METTL4: variants seen among roughly 807,000 people sequenced by gnomAD.
METTL4 encodes the protein methyltransferase 4, N6-adenosine.
A neutral mutation model predicts 54.0 loss-of-function variants in METTL4; 40 were observed. That is an observed-to-expected ratio of 0.74 (90% CI 0.58 to 0.96). METTL4 has a LOEUF of 0.96. Among genes scored for constraint, METTL4 ranks in the 50% least tolerant of loss-of-function variants. The pLI is 0.00. For synonymous variants in METTL4, 169 were observed against 183.8 expected, an observed-to-expected ratio of 0.92 and a Z score of 0.65; for missense variants, 525 against 549.0, an observed-to-expected ratio of 0.96 and a Z score of 0.44.
At chr18:2,551,460 T>C (rs561514652) in intron 5 of METTL4, among the ~76,000 whole-genome samples, 33 of 152,012 alleles carry the variant, frequency 2.2e-4, no homozygotes, top group Non-Finnish European at 3.8e-4. Flanking sequence ...CTCAGCACTA[T>C]GGAGGCTGAG....
intron 6 of METTL4, 61 bp from the exon 7 acceptor site, chr18:2,544,820 C>T (rs900656361): frequency 9.6e-7 from 1 of 1,040,138 alleles, no homozygotes. Context: ...AGCTTCCACA[C>T]ACACACAAAA....
chr18:2,559,185 T>C (rs966187925), intron 3 of METTL4, among the ~76,000 whole-genome samples: 1 of 152,180 alleles, frequency 6.6e-6, no homozygotes, highest in African/African-American at 2.4e-5. Context: ...AGAAGCATTA[T>C]TCACAACAGC....
At chr18:2,547,672 T>C in intron 5 of METTL4, 143 bp from the exon 6 acceptor site, 1 of 549,316 alleles carries the variant, frequency 1.8e-6, no homozygotes, top group Non-Finnish European at 3.0e-6. Flanking sequence ...AAAGCCACAG[T>C]GACACCCAGT....
chr18:2,551,119 G>A (rs1178342120), intron 5 of METTL4, among the ~76,000 whole-genome samples: 1 of 138,578 alleles, frequency 7.2e-6, no homozygotes, highest in Non-Finnish European at 1.5e-5. Context: ...AGCCGAGATC[G>A]CGCCACTGCA....
chr18:2,565,487 T>C (rs1471078475), intron 2 of METTL4, among the ~76,000 whole-genome samples: 6 of 152,106 alleles, frequency 3.9e-5, no homozygotes, highest in African/African-American at 1.4e-4. Context: ...CCTATACATG[T>C]ACCTGTGAAC....
Position 2,567,184 on chromosome 18 carries a change from C to G in METTL4, c.33G>C (p.Trp11Cys), listed in dbSNP as rs750140583. Residue 11 changes from tryptophan to cysteine, a missense_variant, in exon 2 of 9, where the codon TGG becomes TGC. Physicochemically the swap from Trp to Cys is radical, Grantham distance 215. Coordinates refer to ENST00000574538, the MANE Select transcript of METTL4 (RefSeq NM_022840.5). ...TGATAAAAGAAAGATGATCCAGTAA[C>G]CACCCAGCTGACAACTGGTGTACCA... The part of the protein sequence containing the change: MSVVHQLSAG[W>C]LLDHLSFINK... 24 of 1,611,992 alleles carry G rather than the reference C, an allele frequency of 1.5e-5. No individual in the cohort carries two copies. The South Asian group carries it at 2.6e-4, about 18-fold the overall frequency.
chr18:2,570,115 G>C (rs1221660413), intron 1 of METTL4, among the ~76,000 whole-genome samples: 1 of 152,164 alleles, frequency 6.6e-6, no homozygotes, highest in Non-Finnish European at 1.5e-5. Context: ...AATTGTGCTT[G>C]CTCTTAAAAA....
intron 2 of METTL4, among the ~76,000 whole-genome samples, chr18:2,566,423 C>T (rs2072419368): frequency 6.6e-6 from 1 of 152,148 alleles, no homozygotes; most frequent in Non-Finnish European, 1.5e-5. Flanking sequence ...CCACTTACTG[C>T]TTAGAAATTT....
In METTL4 at chr18:2,563,929, T is replaced by G. The variant is rs186926241; in HGVS notation, c.397-70A>C. On this transcript the variant is annotated intron_variant, in intron 2 of 8. Transcript: ENST00000574538. ...ATATTTTGCTTTTTCATTATAACAT[T>G]ATTTATGTCTTATATCTGTCTAATA... is the stretch of plus-strand genomic sequence containing the variant. 1.7e-5 allele frequency: 16 copies of G among 948,016 alleles called. No individual in the cohort carries two copies. In the African/African-American group the frequency reaches 2.5e-4, roughly 15 times the overall value. The allele number at this position is 948,016 out of a possible 1,614,324, so 58.7% of individuals were successfully genotyped here.
intron 6 of METTL4, among the ~76,000 whole-genome samples, chr18:2,544,996 A>T (rs2072050936): frequency 6.6e-6 from 1 of 152,048 alleles, no homozygotes. Flanking sequence ...AAATACTGTC[A>T]TTTCAATATG....
chr18:2,546,927 T>C (rs2072077929), intron 6 of METTL4, among the ~76,000 whole-genome samples: 1 of 152,164 alleles, frequency 6.6e-6, no homozygotes, highest in African/African-American at 2.4e-5. Context: ...TACTTTGCTA[T>C]TCCTTGCCCT....
At chr18:2,567,733 A>G (rs1038976669) in intron 1 of METTL4, 79 bp from the exon 2 acceptor site, 6 of 152,322 alleles carry the variant, frequency 3.9e-5, no homozygotes, top group African/African-American at 1.4e-4. Context: ...AGAGGGGCAT[A>G]GAATTTCAGA....
intron 3 of METTL4, chr18:2,561,452 G>A (rs1277817233): frequency 1.3e-5 from 2 of 152,090 alleles, no homozygotes; most frequent in African/African-American, 2.4e-5. Context: ...GTTTTGGGGC[G>A]GAATCACCAA....
rs112767608 is a variant in METTL4, at chr18:2,547,407, T to C, written c.1022A>G (p.Glu341Gly). Residue 341 changes from glutamate to glycine, a missense_variant, in exon 6 of 9, where the codon GAA becomes GGA. Physicochemically the swap from Glu to Gly is moderately conservative, Grantham distance 98 (BLOSUM62 -2). Coordinates refer to ENST00000574538, the MANE Select transcript of METTL4 (RefSeq NM_022840.5). ...RQKHLRFIKE[E>G]LYPSWSVEVV... ...CTCCACAGACCAAGAGGGATAAAGTTCTTCCTTTATAAAACGTAGGTGCTT... is the reference window on the plus strand; with the variant it reads ...CTCCACAGACCAAGAGGGATAAAGTCCTTCCTTTATAAAACGTAGGTGCTT... 3 of 1,611,352 alleles carry C rather than the reference T, an allele frequency of 1.9e-6. No homozygotes were observed. Among genetic ancestry groups the C allele is most frequent in the Non-Finnish European group, 2.5e-6 (3 of 1,178,814 alleles).
chr18:2,540,115 T>C, intron 8 of METTL4: 1 of 983,444 alleles, frequency 1.0e-6, no homozygotes, highest in Middle Eastern at 5.2e-4. Context: ...GAACATTGTA[T>C]TTTGTTGGGG....
rs2071932219 is a variant in METTL4, at chr18:2,537,745, A to G, written c.*1255T>C. Reference sequence around the variant, plus strand: ...CTAACATTTTACTTAGTGGATAAATATTTGTCAACAATCTGTAAATAGTAT... The same window carrying G: ...CTAACATTTTACTTAGTGGATAAATGTTTGTCAACAATCTGTAAATAGTAT... On this transcript the variant is annotated 3_prime_UTR_variant, in exon 9 of 9. Transcript: ENST00000574538. 1 of 396,836 alleles carries G rather than the reference A, an allele frequency of 2.5e-6. No homozygotes were observed. The highest frequency in any genetic ancestry group is 4.4e-5 in the Admixed American group (1 of 22,680). The allele number at this position is 396,836 out of a possible 1,614,324, so 24.6% of individuals were successfully genotyped here. A position where few individuals can be genotyped will look rare whatever the true frequency, so the allele number is the denominator to read the frequency against.
At chr18:2,567,817 T>G (rs2072443905) in intron 1 of METTL4, among the ~76,000 whole-genome samples, 163 bp from the exon 2 acceptor site, 1 of 152,226 alleles carries the variant, frequency 6.6e-6, no homozygotes, top group African/African-American at 2.4e-5. Flanking sequence ...TTCTCCAGTA[T>G]CATCTTCCCT....
In METTL4 at chr18:2,562,799, T is replaced by C. The variant is rs139058973; in HGVS notation, c.459+998A>G. On this transcript the variant is annotated intron_variant, in intron 3 of 8. Coordinates refer to ENST00000574538, the MANE Select transcript of METTL4 (RefSeq NM_022840.5). ...GGGATGGGGAGTTATTAAATAATGG[T>C]AGAGTTCCAGTTTGGGATGATGAAA... Among the ~76,000 whole-genome samples the C allele has an allele frequency of 3.4e-3, 523 of 152,106 alleles. 2 individuals carry two copies. The highest frequency in any genetic ancestry group is 0.012 in the African/African-American group (509 of 41,502).
intron 4 of METTL4, chr18:2,553,090 A>T (rs2072187352): frequency 5.4e-6 from 1 of 185,808 alleles, no homozygotes; most frequent in Non-Finnish European, 1.1e-5. Flanking sequence ...TAGTTCTAAG[A>T]AATCTAGGTC....
Sources: gnomAD v4.1 joint callset for allele counts (sites outside exome capture counted in the v4.1 genomes callset) on GRCh38, gnomAD v4.1.1 for gene constraint, MANE v1.5 for transcripts, NCBI Gene and HGNC (gene_info 2026-07-23, HGNC 2026-07-21) for gene names.